PLXNA4: variants seen among roughly 807,000 people sequenced by gnomAD.
PLXNA4 encodes plexin-A4.
PLXNA4 carries 44 observed loss-of-function variants against 191.8 expected under a neutral mutation model. The observed-to-expected ratio is 0.23, with a 90% CI of 0.18 to 0.29. The LOEUF (loss-of-function observed/expected upper bound fraction) is 0.29. Among genes scored for constraint, PLXNA4 ranks in the 10% least tolerant of loss-of-function variants. The pLI is 1.00. For missense variants in PLXNA4, 1,800 were observed against 2,488.8 expected, an observed-to-expected ratio of 0.72 and a Z score of 5.89; for synonymous variants, 1,082 against 1,009.5, an observed-to-expected ratio of 1.07 and a Z score of -1.36.
intron 3 of PLXNA4, among the ~76,000 whole-genome samples, chr7:132,481,850 C>T (rs1173196060): frequency 6.6e-6 from 1 of 152,190 alleles, no homozygotes; most frequent in Non-Finnish European, 1.5e-5. Flanking sequence ...AGCCCCCAGG[C>T]CTCCTTGTTG....
In PLXNA4 at chr7:132,311,420, G is replaced by A. The variant is rs76154538; in HGVS notation, c.1372-13198C>T. ...CGCTCACTGTCTTCCCCACTCCCTA[G>A]GAGCTTCTTGAGTGCAGGGGCTACA... On this transcript the variant is annotated intron_variant, in intron 3 of 31. Transcript: ENST00000321063. Among the ~76,000 whole-genome samples, 450 of 152,168 alleles carry A rather than the reference G, an allele frequency of 3.0e-3. 10 individuals carry two copies. In the East Asian group the frequency reaches 0.051, roughly 17 times the overall value.
intron 3 of PLXNA4, among the ~76,000 whole-genome samples, chr7:132,468,597 C>CTGCA (rs1469961044): frequency 2.0e-5 from 3 of 152,142 alleles, no homozygotes; most frequent in African/African-American, 7.2e-5. Flanking sequence ...CTCACTCTTC[C>CTGCA]TGCAGATGTA....
intron 30 of PLXNA4, among the ~76,000 whole-genome samples, chr7:132,139,650 T>C (rs1240474780): frequency 6.6e-6 from 1 of 152,182 alleles, no homozygotes; most frequent in Admixed American, 6.5e-5. Context: ...GCATCTTTCT[T>C]AAACCATACA....
intron 1 of PLXNA4, among the ~76,000 whole-genome samples, chr7:132,512,702 C>T (rs1344774422): frequency 6.6e-6 from 1 of 152,204 alleles, no homozygotes; most frequent in Admixed American, 6.5e-5. Flanking sequence ...ATATGCAGAG[C>T]CACCAGCCCC....
chr7:132,423,438 G>A (rs996529341), intron 3 of PLXNA4, among the ~76,000 whole-genome samples: 1 of 152,138 alleles, frequency 6.6e-6, no homozygotes, highest in Non-Finnish European at 1.5e-5. Flanking sequence ...CAGAGAGAAT[G>A]AAGGGGTTTC....
At chr7:132,148,507 G>C (rs1795500530) in intron 26 of PLXNA4, 36 bp downstream of exon 26, 1 of 1,612,774 alleles carries the variant, frequency 6.2e-7, no homozygotes, top group Non-Finnish European at 8.5e-7. Flanking sequence ...GGGACTTGTA[G>C]TTGGCTAGCT....
intron 3 of PLXNA4, among the ~76,000 whole-genome samples, chr7:132,479,950 G>A (rs1207581767): frequency 6.6e-5 from 10 of 152,114 alleles, no homozygotes; most frequent in African/African-American, 2.2e-4. Context: ...GAGCCACTGC[G>A]CCTGGCCTCT....
intron 1 of PLXNA4, among the ~76,000 whole-genome samples, chr7:132,509,400 C>T (rs2116267018): frequency 6.6e-6 from 1 of 152,256 alleles, no homozygotes; most frequent in East Asian, 1.9e-4. Context: ...ATGAATAGCC[C>T]CTTTATTAAC....
chr7:132,563,315 TTCCTCCTTCTCCTCC>T (rs1299694376), intron 1 of PLXNA4, among the ~76,000 whole-genome samples: 119 of 73,458 alleles, frequency 1.6e-3, no homozygotes, highest in African/African-American at 6.2e-3. Flanking sequence ...CCTCCTTCTC[TTCCTCCTTCTCCTCC>T]TCCTCCTTCT....
chr7:132,383,479 A>G, intron 3 of PLXNA4: 1 of 804,982 alleles, frequency 1.2e-6, no homozygotes, highest in Non-Finnish European at 1.5e-6. Context: ...TCCAAGCACA[A>G]CTACTGTTAG....
intron 1 of PLXNA4, among the ~76,000 whole-genome samples, chr7:132,513,357 C>T (rs1282349178): frequency 1.3e-5 from 2 of 152,136 alleles, no homozygotes; most frequent in Non-Finnish European, 2.9e-5. Flanking sequence ...CATGACAACC[C>T]TGTTAGGTAG....
chr7:132,237,871 G>A (rs1798754485), intron 5 of PLXNA4, among the ~76,000 whole-genome samples: 2 of 152,168 alleles, frequency 1.3e-5, no homozygotes, highest in Non-Finnish European at 2.9e-5. Context: ...CGGTACCCGT[G>A]GACACGTACA....
rs148611584 is a variant in PLXNA4 at position 132,406,309 on chromosome 7, G to C, written c.1371+82983C>G. ...TGGCCCATAAATGAAGCTGACATTA[G>C]ATAAGTCACTCACGCACTTCAAGAA... On this transcript the variant is annotated intron_variant, in intron 3 of 31. Coordinates refer to ENST00000321063, the MANE Select transcript of PLXNA4 (RefSeq NM_020911.2). Among the ~76,000 whole-genome samples the C allele has an allele frequency of 4.3e-3, 651 of 152,292 alleles. 3 individuals are homozygous for C. The highest frequency in any genetic ancestry group is 0.015 in the African/African-American group (611 of 41,560).
At chr7:132,308,357 G>A (rs1262408096) in intron 3 of PLXNA4, among the ~76,000 whole-genome samples, 1 of 152,144 alleles carries the variant, frequency 6.6e-6, no homozygotes, top group African/African-American at 2.4e-5. Context: ...TAAAATCTTG[G>A]TTGGCCATTT....
intron 2 of PLXNA4, among the ~76,000 whole-genome samples, chr7:132,499,847 G>C (rs1448601488): frequency 6.6e-6 from 1 of 152,132 alleles, no homozygotes; most frequent in Non-Finnish European, 1.5e-5. Context: ...TTATATTTTG[G>C]AACACTGACG....
chr7:132,312,235 A>G (rs753294252), intron 3 of PLXNA4, among the ~76,000 whole-genome samples: 6 of 152,162 alleles, frequency 3.9e-5, no homozygotes, highest in Non-Finnish European at 7.3e-5. Context: ...AGAGAAATCC[A>G]TTTTAAAATA....
chr7:132,641,249 G>T (rs1202027693), intron 2 of PLXNA4, among the ~76,000 whole-genome samples: 1 of 152,206 alleles, frequency 6.6e-6, no homozygotes, highest in Admixed American at 6.5e-5. Flanking sequence ...CACAGCCTGG[G>T]TGGCTTAAAC....
intron 1 of PLXNA4, among the ~76,000 whole-genome samples, chr7:132,573,521 G>GC (rs1259127329): frequency 6.6e-6 from 1 of 152,150 alleles, no homozygotes; most frequent in African/African-American, 2.4e-5. Flanking sequence ...ATCCTAGAAA[G>GC]CCCCCACTTC....
intron 9 of PLXNA4, among the ~76,000 whole-genome samples, chr7:132,222,307 T>A (rs1798171457): frequency 6.6e-6 from 1 of 152,092 alleles, no homozygotes; most frequent in Non-Finnish European, 1.5e-5. Flanking sequence ...ATGCAGCAGG[T>A]GTTAGTGTGG....
Sources: allele counts gnomAD v4.1 joint callset (sites outside exome capture counted in the v4.1 genomes callset), GRCh38; gene constraint gnomAD v4.1.1; transcripts MANE v1.5; gene names NCBI Gene and HGNC (gene_info 2026-07-23, HGNC 2026-07-21).